CDH8: variants seen among roughly 807,000 people sequenced by gnomAD.
CDH8 encodes the protein cadherin 8.
A neutral mutation model predicts 68.1 loss-of-function variants in CDH8; 17 were observed. The observed-to-expected ratio is 0.25, with a 90% CI of 0.17 to 0.37. The LOEUF is 0.37. CDH8 is among the 10% of genes least tolerant of loss of function. CDH8 has a pLI of 1.00. For synonymous variants in CDH8, 372 were observed against 365.1 expected, an observed-to-expected ratio of 1.02 and a Z score of -0.21; for missense variants, 763 against 999.3, an observed-to-expected ratio of 0.76 and a Z score of 3.19.
At chr16:61,993,311 G>A (rs1965757700) in intron 2 of CDH8, among the ~76,000 whole-genome samples, 1 of 151,822 alleles carries the variant, frequency 6.6e-6, no homozygotes, top group Non-Finnish European at 1.5e-5. Context: ...CTTTCCTCCA[G>A]CACTCTTTAT....
rs879407431 is a variant in CDH8 at position 61,832,374 on chromosome 16, AGATAGATAC to A, written c.668-7204_668-7196del. On this transcript the variant is annotated intron_variant, in intron 4 of 11. Coordinates refer to ENST00000577390, the MANE Select transcript of CDH8 (RefSeq NM_001796.5). ...TAGATAGATAGATAGATAGATAGAT[AGATAGATAC>A]ATAGAGAAATAGAGAGGGAAATAGA... 3.7e-3 allele frequency among the ~76,000 whole-genome samples: 564 copies of A among 151,786 alleles called. 1 individual carries two copies. The highest frequency in any genetic ancestry group is 4.5e-3 in the Non-Finnish European group (305 of 67,820).
At chr16:61,661,422 CTAA>C (rs1963555140) in intron 10 of CDH8, among the ~76,000 whole-genome samples, 1 of 151,564 alleles carries the variant, frequency 6.6e-6, no homozygotes. Flanking sequence ...TGGAATGAAA[CTAA>C]TAATAGGAAG....
chr16:61,980,015 G>T (rs1286666371), intron 2 of CDH8, among the ~76,000 whole-genome samples: 2 of 152,166 alleles, frequency 1.3e-5, no homozygotes, highest in Admixed American at 6.5e-5. Flanking sequence ...GAGACAATCA[G>T]AAAGTAGGAA....
At chr16:61,757,351 A>G (rs563373161) in intron 8 of CDH8, among the ~76,000 whole-genome samples, 1 of 152,088 alleles carries the variant, frequency 6.6e-6, no homozygotes, top group Non-Finnish European at 1.5e-5. Flanking sequence ...TACAACTATT[A>G]AGGTATTTAA....
chr16:61,735,121 G>T (rs1232108547), intron 8 of CDH8, among the ~76,000 whole-genome samples: 2 of 151,926 alleles, frequency 1.3e-5, no homozygotes, highest in African/African-American at 4.8e-5. Flanking sequence ...AAGGACACTT[G>T]TCATTGGATT....
chr16:61,968,550 A>C (rs1965290268), intron 2 of CDH8, among the ~76,000 whole-genome samples: 1 of 152,322 alleles, frequency 6.6e-6, no homozygotes, highest in South Asian at 2.1e-4. Context: ...CTATCAAATA[A>C]GCAGAATCGA....
chr16:61,666,816 A>G (rs562473183), intron 10 of CDH8, among the ~76,000 whole-genome samples: 12 of 152,002 alleles, frequency 7.9e-5, no homozygotes, highest in African/African-American at 1.2e-4. Flanking sequence ...TCTGTTGTTT[A>G]TTTATAAAAA....
chr16:61,707,457 ATT>A (rs1964554523), intron 10 of CDH8, among the ~76,000 whole-genome samples: 1 of 152,152 alleles, frequency 6.6e-6, no homozygotes, highest in Admixed American at 6.5e-5. Context: ...GCTATTATAT[ATT>A]CCATAGTGTC....
intron 7 of CDH8, among the ~76,000 whole-genome samples, chr16:61,798,955 A>T (rs1961558411): frequency 6.6e-6 from 1 of 152,218 alleles, no homozygotes; most frequent in African/African-American, 2.4e-5. Flanking sequence ...AAATGCATGG[A>T]ATCCGGAAGT....
intron 4 of CDH8, among the ~76,000 whole-genome samples, chr16:61,838,315 T>A (rs1305611967): frequency 6.6e-6 from 1 of 152,106 alleles, no homozygotes; most frequent in Non-Finnish European, 1.5e-5. Context: ...GGGAGATACA[T>A]ATTCTAGGAA....
intron 8 of CDH8, among the ~76,000 whole-genome samples, chr16:61,739,915 A>ATATATATATATATATATTTAT (rs373723105): frequency 1.8e-5 from 2 of 109,580 alleles, no homozygotes; most frequent in Non-Finnish European, 3.5e-5. Flanking sequence ...ATATATATGT[A>ATATATATATATATATATTTAT]TTTTTTTTTT....
chr16:61,652,640 T>A lies in CDH8; in HGVS notation c.*968A>T. ...TATTAAACATTCATTGTATATATAT[T>A]TATATAAAACAATCTAAAGGATTAT... On this transcript the variant is annotated 3_prime_UTR_variant, in exon 12 of 12. Transcript: ENST00000577390. The A allele has an allele frequency of 9.2e-7, 1 of 1,088,310 alleles. No homozygotes were observed. Among genetic ancestry groups the A allele is most frequent in the Non-Finnish European group, 1.2e-6 (1 of 863,146 alleles). 67.4% of individuals were successfully genotyped at this position (1,088,310 alleles called of 1,614,324 possible).
At chr16:62,020,137 G>A (rs985194527) in intron 2 of CDH8, among the ~76,000 whole-genome samples, 1 of 152,164 alleles carries the variant, frequency 6.6e-6, no homozygotes, top group Middle Eastern at 3.2e-3. Context: ...GCAATCAGAA[G>A]TTCCCAGTGA....
intron 10 of CDH8, among the ~76,000 whole-genome samples, chr16:61,694,774 G>A (rs1352272323): frequency 6.6e-6 from 1 of 151,878 alleles, no homozygotes; most frequent in East Asian, 1.9e-4. Flanking sequence ...GCTGTTGGTG[G>A]TGGTGGTGGT....
intron 10 of CDH8, among the ~76,000 whole-genome samples, chr16:61,662,921 T>A (rs2142759402): frequency 6.6e-6 from 1 of 152,130 alleles, no homozygotes; most frequent in African/African-American, 2.4e-5. Flanking sequence ...TTCCTCATTC[T>A]TTTGTAATGC....
chr16:61,682,223 C>T (rs184454867), intron 10 of CDH8, among the ~76,000 whole-genome samples: 168 of 151,964 alleles, frequency 1.1e-3, no homozygotes, highest in Middle Eastern at 3.4e-3. Context: ...TTTATCTAGG[C>T]ATTTAATAGC....
At chr16:61,989,200 T>A (rs60670724) in intron 2 of CDH8, among the ~76,000 whole-genome samples, 11,718 of 152,202 alleles carry the variant, frequency 0.077, 1,251 homozygotes, top group African/African-American at 0.24. Context: ...ATAAAAGGGA[T>A]GCTGAAATTT....
intron 8 of CDH8, among the ~76,000 whole-genome samples, chr16:61,755,912 G>A (rs9931582): frequency 9.2e-5 from 14 of 151,832 alleles, no homozygotes; most frequent in Middle Eastern, 3.4e-3. Context: ...CCTCTGCCTC[G>A]CTGGTTCAAG....
intron 2 of CDH8, among the ~76,000 whole-genome samples, chr16:61,999,680 T>A (rs992964772): frequency 1.5e-4 from 23 of 152,152 alleles, no homozygotes; most frequent in Admixed American, 1.4e-3. Context: ...CTGAAAAATG[T>A]CATACACATG....
Sources: allele counts gnomAD v4.1 joint callset (sites outside exome capture counted in the v4.1 genomes callset), GRCh38; gene constraint gnomAD v4.1.1; transcripts MANE v1.5; gene names NCBI Gene and HGNC (gene_info 2026-07-23, HGNC 2026-07-21).